Variants in C5orf58 observed in about 807,000 individuals in gnomAD.
C5orf58 encodes the protein chromosome 5 open reading frame 58.
C5orf58 carries 2 observed loss-of-function variants against 2.9 expected under a neutral mutation model. The ratio of observed to expected loss-of-function variants is 0.69; its 90% CI spans 0.28 to 2.18. The LOEUF is 2.18. Ranked by LOEUF, C5orf58 falls within the 30% of genes most tolerant of loss-of-function variation. C5orf58 has a pLI of 0.13. For synonymous variants in C5orf58, 37 were observed against 33.4 expected (o/e 1.11, Z -0.37); for missense variants, 96 against 91.7 (o/e 1.05, Z -0.19).
At chr5:170,240,933 AT>A (rs1369921810) in intron 3 of C5orf58, among the ~76,000 whole-genome samples, 1 of 151,746 alleles carries the variant, frequency 6.6e-6, no homozygotes, top group African/African-American at 2.4e-5. Context: ...TCTTTAATCC[AT>A]CTTGAATTGA....
intron 3 of C5orf58, 116 bp downstream of exon 3, chr5:170,235,186 A>G: frequency 1.7e-6 from 1 of 601,340 alleles, no homozygotes; most frequent in Non-Finnish European, 3.0e-6. Context: ...GGATTTCTCT[A>G]TTTCTTAACA....
chr5:170,248,621 T>A, downstream of C5orf58: 1 of 1,537,250 alleles, frequency 6.5e-7, no homozygotes, highest in Non-Finnish European at 8.9e-7. Context: ...TAAGTGTTTG[T>A]CCATTGACCA....
chr5:170,235,207 G>T (rs1561954639), intron 3 of C5orf58, 137 bp downstream of exon 3: 3 of 577,960 alleles, frequency 5.2e-6, no homozygotes, highest in Middle Eastern at 3.0e-4. Flanking sequence ...AATGTTTTCA[G>T]TGTAAGTGAA....
chr5:170,237,755 A>G lies in C5orf58; in HGVS notation c.94+2685A>G, dbSNP rs1760803389. The stretch of plus-strand genomic sequence containing the variant: ...CTGCCCTCTGCATAGCTGGGCAGCT[A>G]TCCCTTCACTGTGACAAAAGACTTG... On this transcript the variant is annotated intron_variant, in intron 3 of 3. Coordinates refer to ENST00000593851, the MANE Select transcript of C5orf58 (RefSeq NM_001102609.3). Among the ~76,000 whole-genome samples the G allele has an allele frequency of 2.6e-5, 4 of 152,318 alleles. No individual in the cohort carries two copies. The South Asian group carries it at 6.2e-4, about 24-fold the overall frequency.
At chr5:170,236,572 C>T (rs970643742) in intron 3 of C5orf58, among the ~76,000 whole-genome samples, 1 of 152,200 alleles carries the variant, frequency 6.6e-6, no homozygotes, top group Non-Finnish European at 1.5e-5. Context: ...AGGATAAAGT[C>T]TAAACATCTT....
chr5:170,246,015 A>C lies in C5orf58; in HGVS notation c.148A>C (p.Lys50Gln), dbSNP rs1212479534. ...DLILHFNHPI[K>Q]TENLAEAERN... ...TATCCTACATTTTAATCATCCCATCAAGACTGAGAACTTAGCAGAAGCAGA... is the reference window on the plus strand; with the variant it reads ...TATCCTACATTTTAATCATCCCATCCAGACTGAGAACTTAGCAGAAGCAGA... The change falls in exon 4 of 4, where the codon AAG becomes CAG. Residue 50 changes from lysine to glutamine, a missense_variant. Coordinates refer to ENST00000593851, the MANE Select transcript of C5orf58 (RefSeq NM_001102609.3). 6.2e-7 allele frequency: 1 copy of C among 1,613,784 alleles called. No homozygotes were observed. The highest frequency in any genetic ancestry group is 8.5e-7 in the Non-Finnish European group (1 of 1,179,772).
intron 3 of C5orf58, among the ~76,000 whole-genome samples, chr5:170,244,748 A>G (rs1761179576): frequency 6.6e-6 from 1 of 152,024 alleles, no homozygotes; most frequent in Admixed American, 6.5e-5. Context: ...GCTCAGAGTA[A>G]TTTGATCGTC....
At chr5:170,233,451 G>A (rs1230754194) in intron 1 of C5orf58, 3 of 152,494 alleles carry the variant, frequency 2.0e-5, no homozygotes, top group Non-Finnish European at 2.9e-5. Context: ...GGGCCCTAAA[G>A]ATCTGGGGCT....
chr5:170,245,186 C>G (rs1761209002), intron 3 of C5orf58, among the ~76,000 whole-genome samples: 1 of 152,178 alleles, frequency 6.6e-6, no homozygotes, highest in African/African-American at 2.4e-5. Flanking sequence ...AGCTGTCAGA[C>G]AGGGACATTT....
At chr5:170,239,193 A>T (rs1361625847) in intron 3 of C5orf58, among the ~76,000 whole-genome samples, 1 of 152,230 alleles carries the variant, frequency 6.6e-6, no homozygotes, top group Middle Eastern at 3.2e-3. Flanking sequence ...CAAAAACCCA[A>T]TTATTACCTC....
intron 3 of C5orf58, among the ~76,000 whole-genome samples, chr5:170,241,933 T>C (rs1260191653): frequency 1.3e-5 from 2 of 151,604 alleles, no homozygotes; most frequent in African/African-American, 2.4e-5. Context: ...ATAGCTCTTA[T>C]TATTTTGAAT....
chr5:170,239,877 A>G (rs1011386547), intron 3 of C5orf58, among the ~76,000 whole-genome samples: 14 of 152,160 alleles, frequency 9.2e-5, no homozygotes, highest in African/African-American at 3.4e-4. Context: ...TGCACCCACT[A>G]ACTCGTCATC....
downstream of C5orf58, chr5:170,250,776 T>A: frequency 6.2e-7 from 1 of 1,613,298 alleles, no homozygotes; most frequent in Non-Finnish European, 8.5e-7. Flanking sequence ...TTGACTTTCC[T>A]TCTGATAACG....
intron 3 of C5orf58, among the ~76,000 whole-genome samples, chr5:170,236,617 C>T (rs919050060): frequency 1.3e-5 from 2 of 152,182 alleles, no homozygotes; most frequent in African/African-American, 4.8e-5. Context: ...GATCATTCCC[C>T]TCCTTTCCCC....
At chr5:170,238,962 T>C (rs914021242) in intron 3 of C5orf58, among the ~76,000 whole-genome samples, 3 of 152,120 alleles carry the variant, frequency 2.0e-5, no homozygotes, top group Non-Finnish European at 4.4e-5. Context: ...CTCCACAGAA[T>C]GGAGGGATAA....
chr5:170,247,902 T>C (rs574570590), downstream of C5orf58: 1 of 152,344 alleles, frequency 6.6e-6, no homozygotes, highest in East Asian at 1.9e-4. Flanking sequence ...GGTGTGGAGA[T>C]GTGAAGAAAT....
At chr5:170,249,451 TTAAA>T (rs1259678196), downstream of C5orf58, among the ~76,000 whole-genome samples, 7 of 151,890 alleles carry the variant, frequency 4.6e-5, no homozygotes, top group East Asian at 9.6e-4. Flanking sequence ...AAGGGGTCAT[TTAAA>T]TAGTCACTAT....
chr5:170,233,988 C>T (rs998494689), intron 1 of C5orf58, 127 bp from the exon 2 acceptor site: 1 of 427,394 alleles, frequency 2.3e-6, no homozygotes, highest in African/African-American at 2.1e-5. Flanking sequence ...AAAATATCAT[C>T]TTTCTTTTTC....
At chr5:170,248,952 G>A (rs1761362918), downstream of C5orf58, 1 of 825,176 alleles carries the variant, frequency 1.2e-6, no homozygotes, top group East Asian at 2.8e-5. Flanking sequence ...AAATGTAAAT[G>A]TGGCAATTAG....
Sources: allele counts gnomAD v4.1 joint callset (sites outside exome capture counted in the v4.1 genomes callset), GRCh38; gene constraint gnomAD v4.1.1; transcripts MANE v1.5; gene names NCBI Gene and HGNC (gene_info 2026-07-23, HGNC 2026-07-21).